Variants in LRRC58 observed in about 807,000 individuals in gnomAD.
LRRC58 encodes leucine-rich repeat-containing protein 58.
In LRRC58, 18 loss-of-function variants were observed where a neutral mutation model predicts 30.6. That is an observed-to-expected ratio of 0.59 (90% CI 0.41 to 0.87). The LOEUF is 0.87. Among genes scored for constraint, LRRC58 ranks in the 40% least tolerant of loss-of-function variants. The pLI, the probability that LRRC58 is intolerant of heterozygous loss-of-function variation, is 0.00. For synonymous variants in LRRC58, 221 were observed against 206.0 expected, an observed-to-expected ratio of 1.07 and a Z score of -0.62; for missense variants, 420 against 468.4, an observed-to-expected ratio of 0.90 and a Z score of 0.95.
In LRRC58 at chr3:120,327,187, C is replaced by T. The variant is rs908923178; in HGVS notation, c.*4013G>A. ...TATTACTTTAAAGGGCTTTCTAGGC[C>T]TAGGACTGTCCCTAGGTGTTTGGTG... is the stretch of plus-strand genomic sequence containing the variant. On this transcript the variant is annotated 3_prime_UTR_variant, in exon 4 of 4. Coordinates refer to ENST00000295628, the MANE Select transcript of LRRC58 (RefSeq NM_001099678.2). The T allele has an allele frequency of 1.3e-5, 2 of 151,468 alleles. No homozygotes were observed. The highest frequency in any genetic ancestry group is 2.9e-5 in the Non-Finnish European group (2 of 67,992). The allele number at this position is 151,468 out of a possible 1,614,324, so 9.4% of individuals were successfully genotyped here.
In LRRC58 at chr3:120,349,163, C is replaced by T. The variant is rs1297421612; in HGVS notation, c.81G>A (p.Thr27=). Reference sequence around the variant, plus strand: ...CCCGCGCCTCCAGCTCAGACTCCAGCGTCTCGGTGGACACGCTGAGGCGGG... The same window carrying T: ...CCCGCGCCTCCAGCTCAGACTCCAGTGTCTCGGTGGACACGCTGAGGCGGG... ...NWSRLSVSTE[T]LESELEARGE... Residue 27 remains threonine (T), a synonymous_variant, in exon 1 of 4, where the codon ACG becomes ACA. Coordinates refer to ENST00000295628, the MANE Select transcript of LRRC58 (RefSeq NM_001099678.2). 6.7e-7 allele frequency: 1 copy of T among 1,499,692 alleles called. No individual in the cohort carries two copies. The highest frequency in any genetic ancestry group is 8.8e-7 in the Non-Finnish European group (1 of 1,133,058). 92.9% of individuals were successfully genotyped at this position (1,499,692 alleles called of 1,614,324 possible). A position where few individuals can be genotyped will look rare whatever the true frequency, so the allele number is the denominator to read the frequency against.
Position 120,349,339 on chromosome 3 carries a change from G to T in LRRC58, c.-96C>A. 1.7e-5 allele frequency: 21 copies of T among 1,250,140 alleles called. No individual in the cohort carries two copies. Among genetic ancestry groups the T allele is most frequent in the Non-Finnish European group, 2.1e-5 (21 of 978,452 alleles). The allele number at this position is 1,250,140 out of a possible 1,614,324, so 77.4% of individuals were successfully genotyped here. On this transcript the variant is annotated 5_prime_UTR_variant, in exon 1 of 4. Coordinates refer to ENST00000295628, the MANE Select transcript of LRRC58 (RefSeq NM_001099678.2). ...TGCGGCGCCCCGGAACCTGAACCGA[G>T]GGCTGAGTCGGAAGTGGCGCGGGCG... is the stretch of plus-strand genomic sequence containing the variant.
chr3:120,346,256 CA>C (rs1407556654), intron 1 of LRRC58, among the ~76,000 whole-genome samples: 1 of 150,684 alleles, frequency 6.6e-6, no homozygotes, highest in African/African-American at 2.4e-5. Flanking sequence ...AACTCCATCT[CA>C]AAAAAACAGA....
chr3:120,341,995 C>G (rs1935909948), intron 1 of LRRC58, among the ~76,000 whole-genome samples: 1 of 152,122 alleles, frequency 6.6e-6, no homozygotes, highest in African/African-American at 2.4e-5. Context: ...CTGGGTATCT[C>G]TGCAGCCTGC....
At chr3:120,338,949 A>C (rs1235525886) in intron 1 of LRRC58, among the ~76,000 whole-genome samples, 2 of 152,244 alleles carry the variant, frequency 1.3e-5, no homozygotes, top group East Asian at 3.8e-4. Flanking sequence ...AGCCTAATCC[A>C]GTACTTCAGA....
chr3:120,343,846 A>T (rs1048570883), intron 1 of LRRC58, among the ~76,000 whole-genome samples: 1 of 152,146 alleles, frequency 6.6e-6, no homozygotes, highest in African/African-American at 2.4e-5. Flanking sequence ...CCTGGCCAAC[A>T]TGGTGAAACC....
chr3:120,335,702 A>G lies in LRRC58; in HGVS notation c.629+123T>C. On this transcript the variant is annotated intron_variant, in intron 2 of 3. Coordinates refer to ENST00000295628, the MANE Select transcript of LRRC58 (RefSeq NM_001099678.2). ...TGCAGCAAACCTCAGAACTATAATT[A>G]ACATATCACTTACTTTGAGAATATC... The G allele has an allele frequency of 4.7e-6, 4 of 843,770 alleles. No individual in the cohort carries two copies. In the East Asian group the frequency reaches 1.0e-4, roughly 21 times the overall value. The allele number at this position is 843,770 out of a possible 1,614,324, so 52.3% of individuals were successfully genotyped here.
At chr3:120,336,040 C>A (rs1394184038) in intron 1 of LRRC58, 87 bp from the exon 2 acceptor site, 19 of 914,914 alleles carry the variant, frequency 2.1e-5, no homozygotes, top group Non-Finnish European at 2.9e-5. Flanking sequence ...CACGTTTCAT[C>A]TATTCATTCA....
At chr3:120,333,256 T>G (rs1935783762) in intron 3 of LRRC58, among the ~76,000 whole-genome samples, 1 of 152,208 alleles carries the variant, frequency 6.6e-6, no homozygotes, top group Non-Finnish European at 1.5e-5. Flanking sequence ...AAAGAAGTCA[T>G]TAAGGAAATA....
intron 1 of LRRC58, among the ~76,000 whole-genome samples, chr3:120,346,917 T>C (rs1346973830): frequency 6.6e-6 from 1 of 152,188 alleles, no homozygotes; most frequent in Non-Finnish European, 1.5e-5. Context: ...AATCCAAACT[T>C]TATCATAGCC....
intron 1 of LRRC58, among the ~76,000 whole-genome samples, chr3:120,347,730 GTCCCTTCTACCTTTAACGT>G (rs1403251468): frequency 6.6e-6 from 1 of 152,122 alleles, no homozygotes; most frequent in Non-Finnish European, 1.5e-5. Context: ...TAACTCTGAG[GTCCCTTCTACCTTTAACGT>G]TCTGTTATCT....
At position 120,349,066 on chromosome 3, in the gene LRRC58, G is replaced by A; in HGVS notation, c.178C>T (p.Pro60Ser). The stretch of plus-strand genomic sequence containing the variant: ...GGGAAGCCGCTGCCCAGCGCCCGTG[G>A]CAGCGACACCAGACGGTTGTGAGGC... The part of the protein sequence containing the change: ...LLPHNRLVSL[P>S]RALGSGFPHL... The change falls in exon 1 of 4, where the codon CCA becomes TCA. Residue 60 changes from proline (P) to serine (S), a missense_variant. Physicochemically the swap from Pro to Ser is moderately conservative, Grantham distance 74. Coordinates refer to ENST00000295628, the MANE Select transcript of LRRC58 (RefSeq NM_001099678.2). 1 of 1,518,730 alleles carries A rather than the reference G, an allele frequency of 6.6e-7. No individual in the cohort carries two copies. The highest frequency in any genetic ancestry group is 1.2e-5 in the South Asian group (1 of 81,816). 94.1% of individuals were successfully genotyped at this position (1,518,730 alleles called of 1,614,324 possible).
chr3:120,338,640 A>C (rs1935865804), intron 1 of LRRC58, among the ~76,000 whole-genome samples: 1 of 152,202 alleles, frequency 6.6e-6, no homozygotes, highest in Admixed American at 6.5e-5. Flanking sequence ...CCAATGGAAA[A>C]GTGATTGGTG....
In LRRC58 at chr3:120,348,778, G is replaced by C. The variant is rs1474174462; in HGVS notation, c.466C>G (p.Gln156Glu). 3 of 1,604,106 alleles carry C rather than the reference G, an allele frequency of 1.9e-6. No individual in the cohort carries two copies. Among genetic ancestry groups the C allele is most frequent in the African/African-American group, 1.3e-5 (1 of 74,380 alleles). The change falls in exon 1 of 4, where the codon CAG (glutamine) becomes GAG (glutamate). Residue 156 changes from glutamine (Q) to glutamate (E), a missense_variant. Coordinates refer to ENST00000295628, the MANE Select transcript of LRRC58 (RefSeq NM_001099678.2). The part of the protein sequence containing the change: ...QTLSLGGNQL[Q>E]SIPAEIENLQ... Reference sequence around the variant, plus strand: ...TTCTCGATCTCAGCCGGGATGCTCTGCAGTTGGTTGCCGCCCAGGCTCAGG... The same window carrying C: ...TTCTCGATCTCAGCCGGGATGCTCTCCAGTTGGTTGCCGCCCAGGCTCAGG...
Position 120,349,311 on chromosome 3 carries a change from C to T in LRRC58, c.-68G>A. ...CCGCGCGCGGTCCAGAGGCCGGGAG[C>T]TCTGCGGCGCCCCGGAACCTGAACC... is the stretch of plus-strand genomic sequence containing the variant. On this transcript the variant is annotated 5_prime_UTR_variant, in exon 1 of 4. Transcript: ENST00000295628. 1 of 1,320,368 alleles carries T rather than the reference C, an allele frequency of 7.6e-7. No homozygotes were observed. The highest frequency in any genetic ancestry group is 9.6e-7 in the Non-Finnish European group (1 of 1,036,374). The allele number at this position is 1,320,368 out of a possible 1,614,324, so 81.8% of individuals were successfully genotyped here.
At chr3:120,338,848 A>G (rs978661412) in intron 1 of LRRC58, among the ~76,000 whole-genome samples, 4 of 152,222 alleles carry the variant, frequency 2.6e-5, no homozygotes, top group Non-Finnish European at 1.5e-5. Flanking sequence ...TACTCTTTAG[A>G]AGGATCACTT....
rs1365030115 is a variant in LRRC58, at chr3:120,348,970, C to A, written c.274G>T (p.Gly92Cys). The A allele has an allele frequency of 1.3e-6, 2 of 1,538,092 alleles. No homozygotes were observed. The highest frequency in any genetic ancestry group is 1.4e-5 in the African/African-American group (1 of 71,896). Reference sequence around the variant, plus strand: ...TTCTTGGCCAGCAGCGTGCGCAGGCCGCGCAGAGCGAGCAGCTCCGGCCCG... The same window carrying A: ...TTCTTGGCCAGCAGCGTGCGCAGGCAGCGCAGAGCGAGCAGCTCCGGCCCG... ...ALGPELLALR[G>C]LRTLLAKNNR... Residue 92 changes from glycine (G) to cysteine (C), a missense_variant, in exon 1 of 4, where the codon GGC becomes TGC. Transcript: ENST00000295628.
In LRRC58 at chr3:120,346,749, G is replaced by A. The variant is rs115847887; in HGVS notation, c.500+1995C>T. On this transcript the variant is annotated intron_variant, in intron 1 of 3. Transcript: ENST00000295628. ...CTTCCATTTCTTAGCATTTCTCCTA[G>A]TATCAAGCTGGTATAGGCTACCATC... 1.6e-3 allele frequency among the ~76,000 whole-genome samples: 243 copies of A among 152,174 alleles called. 1 individual carries two copies. Among genetic ancestry groups the A allele is most frequent in the African/African-American group, 5.7e-3 (238 of 41,510 alleles).
chr3:120,326,506 G>A lies in LRRC58; in HGVS notation c.*4694C>T, dbSNP rs1309384156. The A allele has an allele frequency of 6.6e-6, 1 of 152,138 alleles. No individual in the cohort carries two copies. Among genetic ancestry groups the A allele is most frequent in the African/African-American group, 2.4e-5 (1 of 41,416 alleles). The allele number at this position is 152,138 out of a possible 1,614,324, so 9.4% of individuals were successfully genotyped here. A position where few individuals can be genotyped will look rare whatever the true frequency, so the allele number is the denominator to read the frequency against. On this transcript the variant is annotated 3_prime_UTR_variant, in exon 4 of 4. Transcript: ENST00000295628. ...CTATTAAATTCATTAATGTTATACA[G>A]GGCATAGCACTTAATATGGAAACTG... is the stretch of plus-strand genomic sequence containing the variant.
Sources: allele counts gnomAD v4.1 joint callset (sites outside exome capture counted in the v4.1 genomes callset), GRCh38; gene constraint gnomAD v4.1.1; transcripts MANE v1.5; gene names NCBI Gene and HGNC (gene_info 2026-07-23, HGNC 2026-07-21).